Variants in LRRC2 observed in about 807,000 individuals in gnomAD.
LRRC2 encodes the protein leucine-rich repeat-containing protein 2.
LRRC2 carries 27 observed loss-of-function variants against 40.2 expected under a neutral mutation model. The observed-to-expected ratio is 0.67, with a 90% CI of 0.49 to 0.93. LRRC2 has a LOEUF of 0.93. Among genes scored for constraint, LRRC2 ranks in the 40% least tolerant of loss-of-function variants. The probability of loss-of-function intolerance (pLI) is 0.00; values close to 1 mark genes in which losing one functional copy is unlikely to be tolerated. For missense variants in LRRC2, 402 were observed against 439.6 expected, an observed-to-expected ratio of 0.91 and a Z score of 0.76; for synonymous variants, 147 against 158.9, an observed-to-expected ratio of 0.92 and a Z score of 0.56.
At chr3:46,552,381 T>TAAAAA (rs59750352) in intron 1 of LRRC2, among the ~76,000 whole-genome samples, 1 of 144,820 alleles carries the variant, frequency 6.9e-6, no homozygotes, top group Non-Finnish European at 1.5e-5. Flanking sequence ...TATTTAAATC[T>TAAAAA]AAAAAAAAAA....
intron 1 of LRRC2, chr3:46,559,018 A>G (rs973261827): frequency 2.6e-5 from 4 of 152,354 alleles, no homozygotes; most frequent in Middle Eastern, 3.4e-3. Context: ...CAGGGCGACT[A>G]TAGTCAATAA....
In LRRC2 at chr3:46,549,112, G is replaced by A. The variant is rs143498284; in HGVS notation, c.125+2355C>T. On this transcript the variant is annotated intron_variant, in intron 2 of 8. Transcript: ENST00000395905. The stretch of plus-strand genomic sequence containing the variant: ...TCTCTACTTATAATGTTTAAGTATC[G>A]GTATATACTTCATAACAACTACAGC... 2.3e-4 allele frequency among the ~76,000 whole-genome samples: 35 copies of A among 152,138 alleles called. No individual in the cohort carries two copies. The East Asian group carries it at 6.0e-3, about 26-fold the overall frequency.
intron 3 of LRRC2, among the ~76,000 whole-genome samples, chr3:46,539,818 A>G (rs772676605): frequency 6.6e-6 from 1 of 152,154 alleles, no homozygotes; most frequent in Non-Finnish European, 1.5e-5. Context: ...TTCTGGGATA[A>G]AACTGTAAAG....
intron 2 of LRRC2, among the ~76,000 whole-genome samples, chr3:46,546,715 C>CTTTTT (rs71098416): frequency 0.018 from 1,918 of 106,582 alleles, 71 homozygotes; most frequent in African/African-American, 0.022. Flanking sequence ...CAATTTGCTC[C>CTTTTT]TTTTTTTTTT....
At chr3:46,558,749 A>T (rs1207576651) in intron 1 of LRRC2, 1 of 152,226 alleles carries the variant, frequency 6.6e-6, no homozygotes, top group African/African-American at 2.4e-5. Flanking sequence ...CTGCACCCAC[A>T]GTCGCGGCCA....
chr3:46,526,885 A>C (rs1243318473), intron 7 of LRRC2, among the ~76,000 whole-genome samples: 2 of 152,254 alleles, frequency 1.3e-5, no homozygotes, highest in Non-Finnish European at 2.9e-5. Flanking sequence ...GCAACCCCAA[A>C]GCTCCAGATT....
chr3:46,532,911 T>G lies in LRRC2; in HGVS notation c.491-2A>C. 1 of 1,613,172 alleles carries G rather than the reference T, an allele frequency of 6.2e-7. No homozygotes were observed. The highest frequency in any genetic ancestry group is 8.5e-7 in the Non-Finnish European group (1 of 1,179,764). On this transcript the variant is annotated splice_acceptor_variant, in intron 4 of 8. Transcript: ENST00000395905. LOFTEE classifies it high-confidence loss of function. ...GTTCTTTCAGGTTCTTCAAACAACCTGTCAGCAGAAAAAGTTAACATCCAT... is the reference window on the plus strand; with the variant it reads ...GTTCTTTCAGGTTCTTCAAACAACCGGTCAGCAGAAAAAGTTAACATCCAT...
chr3:46,525,014 C>G (rs1704031153), intron 7 of LRRC2, among the ~76,000 whole-genome samples: 1 of 152,004 alleles, frequency 6.6e-6, no homozygotes, highest in African/African-American at 2.4e-5. Flanking sequence ...AATAACTCAC[C>G]TATAAATCAT....
intron 5 of LRRC2, among the ~76,000 whole-genome samples, chr3:46,530,679 T>C (rs1352785818): frequency 6.6e-6 from 1 of 152,240 alleles, no homozygotes; most frequent in Non-Finnish European, 1.5e-5. Context: ...ACGTCTTACA[T>C]GGCAGCAGGC....
At chr3:46,544,078 A>C (rs930758821) in intron 3 of LRRC2, among the ~76,000 whole-genome samples, 1 of 152,234 alleles carries the variant, frequency 6.6e-6, no homozygotes, top group Non-Finnish European at 1.5e-5. Flanking sequence ...ACCTCGGATC[A>C]CATGGCTAAT....
At chr3:46,556,540 CT>C (rs1205554603) in intron 1 of LRRC2, among the ~76,000 whole-genome samples, 1 of 134,346 alleles carries the variant, frequency 7.4e-6, no homozygotes, top group African/African-American at 2.8e-5. Context: ...TGGTTTATAT[CT>C]TTTGACAAAT....
At chr3:46,538,960 G>T (rs1451535008) in intron 4 of LRRC2, 85 bp downstream of exon 4, 4 of 1,379,942 alleles carry the variant, frequency 2.9e-6, no homozygotes, top group Non-Finnish European at 4.0e-6. Context: ...GAGGAAACAC[G>T]GTGTCTGCAC....
At chr3:46,537,223 G>A (rs1171269583) in intron 4 of LRRC2, among the ~76,000 whole-genome samples, 1 of 152,108 alleles carries the variant, frequency 6.6e-6, no homozygotes, top group Non-Finnish European at 1.5e-5. Flanking sequence ...AACCTCCTGG[G>A]CTCAAGCGAT....
In LRRC2 at chr3:46,566,302, T is replaced by A. The variant is rs887644309; in HGVS notation, c.-145A>T. 1 of 151,376 alleles carries A rather than the reference T, an allele frequency of 6.6e-6. No homozygotes were observed. Among genetic ancestry groups the A allele is most frequent in the Non-Finnish European group, 1.5e-5 (1 of 67,792 alleles). 9.4% of individuals were successfully genotyped at this position (151,376 alleles called of 1,614,324 possible). On this transcript the variant is annotated 5_prime_UTR_variant, in exon 1 of 9. Transcript: ENST00000395905. ...CAGCACGGCCGAGCCGGAAGAAGCC[T>A]CCCGTGCCTGTGCGCTAACAGGCTA...
Position 46,533,945 on chromosome 3 carries a change from TA to T in LRRC2, c.491-1037del, listed in dbSNP as rs528183270. On this transcript the variant is annotated intron_variant, in intron 4 of 8. Coordinates refer to ENST00000395905, the MANE Select transcript of LRRC2 (RefSeq NM_024512.5). ...TTTTGTTTTACTTTTAGTTCTGGGA[TA>T]CATGTGCAGAACATGCAGGTTTCTT... 2.4e-4 allele frequency among the ~76,000 whole-genome samples: 36 copies of T among 151,406 alleles called. No homozygotes were observed. In the South Asian group the frequency reaches 3.8e-3, roughly 16 times the overall value.
intron 3 of LRRC2, among the ~76,000 whole-genome samples, chr3:46,541,291 C>CCACTG (rs1704384702): frequency 6.7e-6 from 1 of 149,142 alleles, no homozygotes; most frequent in Non-Finnish European, 1.5e-5. Context: ...CGAGAATATG[C>CCACTG]CACTGCACTC....
At chr3:46,527,379 C>G in intron 7 of LRRC2, 47 bp downstream of exon 7, 1 of 1,608,450 alleles carries the variant, frequency 6.2e-7, no homozygotes, top group Non-Finnish European at 8.5e-7. Flanking sequence ...ACTTCTCACT[C>G]CTTACCTGTG....
At chr3:46,544,654 A>T (rs930384824) in intron 3 of LRRC2, among the ~76,000 whole-genome samples, 4 of 152,250 alleles carry the variant, frequency 2.6e-5, no homozygotes, top group African/African-American at 7.2e-5. Context: ...CAGATAAAGG[A>T]TCTGCAGAAA....
chr3:46,532,040 T>C (rs1357645265), intron 5 of LRRC2, among the ~76,000 whole-genome samples: 1 of 152,246 alleles, frequency 6.6e-6, no homozygotes, highest in Non-Finnish European at 1.5e-5. Context: ...TGAATATTTT[T>C]AAATTAGTGG....
Sources: gnomAD v4.1 joint callset for allele counts (sites outside exome capture counted in the v4.1 genomes callset) on GRCh38, gnomAD v4.1.1 for gene constraint, MANE v1.5 for transcripts, NCBI Gene and HGNC (gene_info 2026-07-23, HGNC 2026-07-21) for gene names.